Variants in WRN observed in about 807,000 individuals in gnomAD.
WRN encodes bifunctional 3'-5' exonuclease/ATP-dependent helicase WRN.
A neutral mutation model predicts 180.7 loss-of-function variants in WRN; 149 were observed. That is an observed-to-expected ratio of 0.82 (90% CI 0.72 to 0.94). The LOEUF is 0.94. WRN is among the 40% of genes least tolerant of loss of function. The probability of loss-of-function intolerance (pLI) is 0.00; values close to 1 mark genes in which losing one functional copy is unlikely to be tolerated. For synonymous variants in WRN, 548 were observed against 568.9 expected, an observed-to-expected ratio of 0.96 and a Z score of 0.52; for missense variants, 1,661 against 1,700.1, an observed-to-expected ratio of 0.98 and a Z score of 0.40.
intron 5 of WRN, among the ~76,000 whole-genome samples, chr8:31,066,164 C>T (rs1454517964): frequency 1.3e-5 from 2 of 150,390 alleles, no homozygotes; most frequent in East Asian, 2.0e-4. Flanking sequence ...AGGCGTGAGC[C>T]ACCGCACCTG....
chr8:31,092,545 T>C (rs1015739933), intron 16 of WRN, among the ~76,000 whole-genome samples: 1 of 151,786 alleles, frequency 6.6e-6, no homozygotes, highest in African/African-American at 2.4e-5. Context: ...ATATGCATGT[T>C]CTAATTCAGA....
intron 28 of WRN, among the ~76,000 whole-genome samples, chr8:31,145,582 G>A (rs1050465414): frequency 3.3e-5 from 5 of 152,140 alleles, no homozygotes; most frequent in African/African-American, 9.7e-5. Context: ...ATGCCTGCTC[G>A]CTTAACATCC....
At chr8:31,108,325 G>A (rs893319183) in intron 18 of WRN, among the ~76,000 whole-genome samples, 2 of 152,128 alleles carry the variant, frequency 1.3e-5, no homozygotes, top group African/African-American at 4.8e-5. Context: ...AGGATGTATT[G>A]TCACCTTTCT....
At chr8:31,078,675 T>G (rs551876668) in intron 8 of WRN, among the ~76,000 whole-genome samples, 1 of 152,310 alleles carries the variant, frequency 6.6e-6, no homozygotes, top group African/African-American at 2.4e-5. Flanking sequence ...TGTATAGTAC[T>G]GCTTAGTCAT....
intron 20 of WRN, among the ~76,000 whole-genome samples, chr8:31,117,654 A>C (rs538949598): frequency 6.6e-6 from 1 of 152,144 alleles, no homozygotes; most frequent in Admixed American, 6.5e-5. Flanking sequence ...CAGCTCTTGC[A>C]TTTTCTGTCC....
chr8:31,111,791 C>A lies in WRN; in HGVS notation c.2265C>A (p.Val755=). Residue 755 remains valine (V), a synonymous_variant, in exon 19 of 35, where the codon GTC becomes GTA. Transcript: ENST00000298139. Reference sequence around the variant, plus strand: ...TTCAGGATCTGCAGCCATTTCTTGTCAAAACAAGGTAAGGATTTAATGGTT... The same window carrying A: ...TTCAGGATCTGCAGCCATTTCTTGTAAAAACAAGGTAAGGATTTAATGGTT... ...NILQDLQPFL[V]KTSSHWEFEG... The A allele has an allele frequency of 6.2e-7, 1 of 1,611,820 alleles. No individual in the cohort carries two copies. The highest frequency in any genetic ancestry group is 1.1e-5 in the South Asian group (1 of 90,962).
intron 33 of WRN, among the ~76,000 whole-genome samples, chr8:31,161,874 C>T: frequency 6.7e-6 from 1 of 148,454 alleles, no homozygotes; most frequent in African/African-American, 2.5e-5. Context: ...AAAGGTACAT[C>T]TGTACAGGGC....
intron 1 of WRN, among the ~76,000 whole-genome samples, chr8:31,053,295 A>G (rs1812146393): frequency 6.6e-6 from 1 of 152,242 alleles, no homozygotes; most frequent in Non-Finnish European, 1.5e-5. Flanking sequence ...GCTTTACATT[A>G]AGTTCAATCT....
intron 17 of WRN, among the ~76,000 whole-genome samples, chr8:31,098,938 A>G (rs1370348704): frequency 7.2e-5 from 11 of 152,126 alleles, no homozygotes; most frequent in Admixed American, 7.2e-4. Flanking sequence ...TTAATTTAAA[A>G]TCTGGGCTGA....
intron 16 of WRN, among the ~76,000 whole-genome samples, chr8:31,093,380 C>A (rs1416903071): frequency 2.0e-5 from 3 of 152,086 alleles, no homozygotes; most frequent in Non-Finnish European, 4.4e-5. Flanking sequence ...GGATTACAGG[C>A]GTGAACCACC....
At chr8:31,048,682 A>G (rs1050853229) in intron 1 of WRN, among the ~76,000 whole-genome samples, 1 of 152,216 alleles carries the variant, frequency 6.6e-6, no homozygotes, top group African/African-American at 2.4e-5. Flanking sequence ...TTCTGTTAAA[A>G]ATGAAAGGCT....
intron 1 of WRN, among the ~76,000 whole-genome samples, chr8:31,041,901 C>T (rs911490633): frequency 2.0e-5 from 3 of 152,066 alleles, no homozygotes; most frequent in Non-Finnish European, 4.4e-5. Context: ...CTTTTTTATT[C>T]GGGGTTAGAG....
intron 9 of WRN, among the ~76,000 whole-genome samples, chr8:31,082,635 C>T (rs868511373): frequency 4.0e-5 from 6 of 151,248 alleles, no homozygotes; most frequent in East Asian, 1.9e-4. Flanking sequence ...CTATCTCTGT[C>T]GCCCAAGCTG....
At chr8:31,150,592 G>C in intron 31 of WRN, 137 bp downstream of exon 31, 1 of 741,154 alleles carries the variant, frequency 1.3e-6, no homozygotes, top group Non-Finnish European at 2.3e-6. Flanking sequence ...AATTAAAATT[G>C]TTTTTACAGT....
chr8:31,060,886 CTT>C (rs745417949), intron 3 of WRN, among the ~76,000 whole-genome samples: 1 of 152,190 alleles, frequency 6.6e-6, no homozygotes, highest in African/African-American at 2.4e-5. Flanking sequence ...CCTCTGGACA[CTT>C]TAAATTTTTG....
intron 24 of WRN, among the ~76,000 whole-genome samples, chr8:31,133,685 ATAG>A (rs1585504028): frequency 1.3e-5 from 2 of 152,226 alleles, no homozygotes; most frequent in African/African-American, 4.8e-5. Context: ...TAGAAATTTA[ATAG>A]TAGAAGTGTT....
chr8:31,064,107 G>A (rs761007643), intron 3 of WRN, among the ~76,000 whole-genome samples, 182 bp from the exon 4 acceptor site: 3 of 152,074 alleles, frequency 2.0e-5, no homozygotes, highest in Non-Finnish European at 4.4e-5. Context: ...TGAATAATTT[G>A]TCTTTTCTTA....
chr8:31,074,663 G>A (rs1310323154), intron 7 of WRN, among the ~76,000 whole-genome samples: 1 of 152,146 alleles, frequency 6.6e-6, no homozygotes, highest in Non-Finnish European at 1.5e-5. Flanking sequence ...CTGCTTGGGT[G>A]TAGGCATCAG....
At chr8:31,110,021 A>C (rs1280416761) in intron 18 of WRN, among the ~76,000 whole-genome samples, 2 of 152,190 alleles carry the variant, frequency 1.3e-5, no homozygotes, top group African/African-American at 2.4e-5. Flanking sequence ...CTGTATCCTG[A>C]AAATCACTGT....
Sources: allele counts gnomAD v4.1 joint callset (sites outside exome capture counted in the v4.1 genomes callset), GRCh38; gene constraint gnomAD v4.1.1; transcripts MANE v1.5; gene names NCBI Gene and HGNC (gene_info 2026-07-23, HGNC 2026-07-21).